ITPK1: variants seen among roughly 807,000 people sequenced by gnomAD.
ITPK1 encodes the protein inositol 1,3,4-trisphosphate 5/6-kinase.
In ITPK1, 21 loss-of-function variants were observed where a neutral mutation model predicts 45.3. That is an observed-to-expected ratio of 0.46 (90% CI 0.33 to 0.67). ITPK1 has a LOEUF of 0.67. ITPK1 is among the 30% of genes least tolerant of loss of function. The pLI is 0.02. For missense variants in ITPK1, 474 were observed against 573.5 expected, an observed-to-expected ratio of 0.83 and a Z score of 1.77; for synonymous variants, 258 against 253.6, an observed-to-expected ratio of 1.02 and a Z score of -0.16.
chr14:92,942,728 A>G (rs1333259787), intron 10 of ITPK1, among the ~76,000 whole-genome samples: 1 of 152,222 alleles, frequency 6.6e-6, no homozygotes, highest in Non-Finnish European at 1.5e-5. Context: ...ACAGTTGCGA[A>G]CATCAGCAGA....
At chr14:93,021,379 G>T (rs1342072086) in intron 3 of ITPK1, among the ~76,000 whole-genome samples, 2 of 152,088 alleles carry the variant, frequency 1.3e-5, no homozygotes, top group African/African-American at 4.8e-5. Context: ...ATCACTTGAG[G>T]TCAGGAGTTT....
chr14:93,016,699 G>C lies in ITPK1; in HGVS notation c.223C>G (p.Leu75Val), dbSNP rs1418058707. 2.5e-6 allele frequency: 4 copies of C among 1,614,128 alleles called. No individual in the cohort carries two copies. Among genetic ancestry groups the C allele is most frequent in the Non-Finnish European group, 3.4e-6 (4 of 1,180,002 alleles). Residue 75 changes from leucine (L) to valine (V), a missense_variant, in exon 4 of 11, where the codon CTG becomes GTG. Physicochemically the swap from Leu to Val is conservative, Grantham distance 32. Transcript: ENST00000267615. This position sits in a 1 kb window ranked among gnomAD's most constrained non-coding sequence, Gnocchi z 5.0. ...ACCTGGAACCTGTGCACCAGCTCCA[G>C]GGACTGGCTATCATTCTGGTCGGCT... ...LEADQNDSQS[L>V]ELVHRFQEYI...
chr14:92,969,498 T>C (rs1346088015), intron 5 of ITPK1, among the ~76,000 whole-genome samples: 1 of 151,894 alleles, frequency 6.6e-6, no homozygotes, highest in African/African-American at 2.4e-5. Context: ...TCCAGCTGAG[T>C]GGGAGGCTGG....
rs1473873459 is a variant in ITPK1, at chr14:93,034,219, C to T, written c.121-17418G>A. Among the ~76,000 whole-genome samples, 2 of 150,956 alleles carry T rather than the reference C, an allele frequency of 1.3e-5. No homozygotes were observed. Among genetic ancestry groups the T allele is most frequent in the Non-Finnish European group, 3.0e-5 (2 of 67,646 alleles). On this transcript the variant is annotated intron_variant, in intron 3 of 10. Coordinates refer to ENST00000267615, the MANE Select transcript of ITPK1 (RefSeq NM_014216.6). The surrounding 1 kb of genome is among the most constrained non-coding windows in gnomAD (Gnocchi z 4.1). The stretch of plus-strand genomic sequence containing the variant: ...GAACTGGGAGGTGGCTTCAGCCACA[C>T]AGCACCTGCAGCAGCCGGGGGTTCC...
intron 2 of ITPK1, among the ~76,000 whole-genome samples, chr14:93,082,472 A>G (rs1437232578): frequency 6.6e-6 from 1 of 152,176 alleles, no homozygotes; most frequent in Non-Finnish European, 1.5e-5. Flanking sequence ...CTGTTTTCTT[A>G]TCTGTAAAAT....
chr14:93,023,461 G>A (rs1390494330), intron 3 of ITPK1, among the ~76,000 whole-genome samples: 10 of 152,188 alleles, frequency 6.6e-5, no homozygotes, highest in Admixed American at 6.5e-4. Context: ...CATGAGTGCG[G>A]AATAACCCAC....
At chr14:92,963,312 G>C (rs1311609313) in intron 5 of ITPK1, among the ~76,000 whole-genome samples, 1 of 152,178 alleles carries the variant, frequency 6.6e-6, no homozygotes, top group Non-Finnish European at 1.5e-5. Context: ...TGACAATATA[G>C]CTCTTAGCAT....
rs1889336555 is a variant in ITPK1 at position 93,036,692 on chromosome 14, T to TC, written c.121-19892dup. 6.6e-6 allele frequency among the ~76,000 whole-genome samples: 1 copy of TC among 151,982 alleles called. No homozygotes were observed. Among genetic ancestry groups the TC allele is most frequent in the African/African-American group, 2.4e-5 (1 of 41,366 alleles). On this transcript the variant is annotated intron_variant, in intron 3 of 10. Coordinates refer to ENST00000267615, the MANE Select transcript of ITPK1 (RefSeq NM_014216.6). This position sits in a 1 kb window ranked among gnomAD's most constrained non-coding sequence, Gnocchi z 4.1. ...TGCCCCTATTCTCTGGGCTCTGGGATCGTTACCAACAACCCGCACCGCATT... is the reference window on the plus strand; with the variant it reads ...TGCCCCTATTCTCTGGGCTCTGGGATCCGTTACCAACAACCCGCACCGCATT...
In ITPK1 at chr14:92,958,789, C is replaced by A. The variant is rs1207577994; in HGVS notation, c.505-423G>T. Among the ~76,000 whole-genome samples, 1 of 152,160 alleles carries A rather than the reference C, an allele frequency of 6.6e-6. No individual in the cohort carries two copies. Among genetic ancestry groups the A allele is most frequent in the Non-Finnish European group, 1.5e-5 (1 of 68,028 alleles). On this transcript the variant is annotated intron_variant, in intron 7 of 10. Transcript: ENST00000267615. The surrounding 1 kb of genome is among the most constrained non-coding windows in gnomAD (Gnocchi z 4.4). ...TGACTCGGGCGCAGGAGTCAGGAGG[C>A]CTTGGGTCAAAGCCTGTCTGATGAC...
Position 92,941,801 on chromosome 14 carries a change from C to CT in ITPK1, c.1004_1005insA (p.Leu336AlafsTer40), listed in dbSNP as rs779662779. The CT allele has an allele frequency of 6.2e-7, 1 of 1,611,348 alleles. No homozygotes were observed. Among genetic ancestry groups the CT allele is most frequent in the Middle Eastern group, 1.7e-4 (1 of 6,044 alleles). ...CGGCCAGAAGCTTGCTGTGCCTCAG[C>CT]AGGGCCACGTCCCCTGTGGCTGCCA... On this transcript the variant is annotated frameshift_variant, in exon 11 of 11. Coordinates refer to ENST00000267615, the MANE Select transcript of ITPK1 (RefSeq NM_014216.6). LOFTEE classifies it high-confidence loss of function.
chr14:92,955,999 G>A (rs1213489043), intron 8 of ITPK1, among the ~76,000 whole-genome samples: 1 of 152,232 alleles, frequency 6.6e-6, no homozygotes. Flanking sequence ...CCCTAGAGAT[G>A]GGGACACAGA....
chr14:93,099,934 G>A (rs766136554), intron 2 of ITPK1, among the ~76,000 whole-genome samples: 2 of 152,176 alleles, frequency 1.3e-5, no homozygotes, highest in African/African-American at 2.4e-5. Flanking sequence ...TGCAAGCTGG[G>A]TCCAGAGCTG....
intron 2 of ITPK1, among the ~76,000 whole-genome samples, chr14:93,108,484 T>C (rs1214396494): frequency 1.3e-5 from 2 of 152,188 alleles, no homozygotes; most frequent in African/African-American, 2.4e-5. Flanking sequence ...GTTAGAAACA[T>C]TGATGCCCAT....
At chr14:93,001,983 C>T (rs982812939) in intron 4 of ITPK1, among the ~76,000 whole-genome samples, 7 of 152,196 alleles carry the variant, frequency 4.6e-5, no homozygotes, top group African/African-American at 1.7e-4. Flanking sequence ...GACCTATACA[C>T]CTTGCAGGAA....
At chr14:93,108,711 T>C (rs1204843048) in intron 2 of ITPK1, among the ~76,000 whole-genome samples, 2 of 152,216 alleles carry the variant, frequency 1.3e-5, no homozygotes, top group Non-Finnish European at 2.9e-5. Context: ...TTGTGAGCAG[T>C]TTCAGAACAT....
intron 5 of ITPK1, among the ~76,000 whole-genome samples, chr14:92,984,079 A>C (rs1187823187): frequency 2.0e-5 from 3 of 152,248 alleles, no homozygotes; most frequent in Non-Finnish European, 4.4e-5. Context: ...TGAAAAAATA[A>C]TACTAAAAGT....
At chr14:92,955,407 G>A (rs1401664379) in intron 8 of ITPK1, among the ~76,000 whole-genome samples, 2 of 152,212 alleles carry the variant, frequency 1.3e-5, no homozygotes, top group African/African-American at 2.4e-5. Context: ...CATAAAGCTG[G>A]GAGCCTGCGC....
chr14:93,062,153 C>T (rs565577569), intron 3 of ITPK1, among the ~76,000 whole-genome samples: 3 of 152,206 alleles, frequency 2.0e-5, no homozygotes, highest in African/African-American at 7.2e-5. Context: ...TGCCTGTAAT[C>T]TCAGTTACTC....
intron 2 of ITPK1, among the ~76,000 whole-genome samples, chr14:93,093,635 G>A (rs1041486903): frequency 1.3e-5 from 2 of 152,192 alleles, no homozygotes; most frequent in African/African-American, 4.8e-5. Flanking sequence ...TACAGAGGGC[G>A]TGGCGATGCT....
Sources: gnomAD v4.1 joint callset for allele counts (sites outside exome capture counted in the v4.1 genomes callset) on GRCh38, gnomAD v4.1.1 for gene constraint, Gnocchi (gnomAD v3.1) non-coding constraint, MANE v1.5 for transcripts, NCBI Gene and HGNC (gene_info 2026-07-23, HGNC 2026-07-21) for gene names.